The following ARID4B variants were observed in gnomAD, a reference collection of about 807,000 sequenced individuals.
ARID4B encodes the protein AT-rich interaction domain 4B, also known as AT-rich interactive domain-containing protein 4B.
A neutral mutation model predicts 147.5 loss-of-function variants in ARID4B; 26 were observed. That is an observed-to-expected ratio of 0.18 (90% CI 0.13 to 0.24). The LOEUF (loss-of-function observed/expected upper bound fraction) is 0.24, where lower values mean the gene tolerates loss of function less well. ARID4B is among the 10% of genes least tolerant of loss of function. The probability of loss-of-function intolerance (pLI) is 1.00; values close to 1 mark genes in which losing one functional copy is unlikely to be tolerated. For synonymous variants in ARID4B, 512 were observed against 507.9 expected, an observed-to-expected ratio of 1.01 and a Z score of -0.11; for missense variants, 1,179 against 1,511.5, an observed-to-expected ratio of 0.78 and a Z score of 3.65.
At chr1:235,187,076 T>TA (rs1664738425) in intron 19 of ARID4B, 2 of 380,152 alleles carry the variant, frequency 5.3e-6, no homozygotes, top group African/African-American at 4.7e-5. Flanking sequence ...TGCATCTTAT[T>TA]CTTTTTTTTT....
intron 17 of ARID4B, among the ~76,000 whole-genome samples, chr1:235,209,416 AGAT>A (rs1666546738): frequency 2.6e-5 from 4 of 152,178 alleles, no homozygotes; most frequent in Admixed American, 2.0e-4. Context: ...GGTGACAGTG[AGAT>A]GATATCACGG....
intron 7 of ARID4B, among the ~76,000 whole-genome samples, chr1:235,243,439 T>C (rs1394684016): frequency 6.6e-6 from 1 of 152,178 alleles, no homozygotes; most frequent in African/African-American, 2.4e-5. Flanking sequence ...TTGTTATTTC[T>C]TTGGTGGCAA....
intron 6 of ARID4B, among the ~76,000 whole-genome samples, chr1:235,252,319 G>T (rs752754693): frequency 2.0e-5 from 3 of 152,214 alleles, no homozygotes; most frequent in Non-Finnish European, 4.4e-5. Context: ...AGTCAGGCAA[G>T]AGGAAAGGGC....
intron 2 of ARID4B, among the ~76,000 whole-genome samples, chr1:235,302,911 GA>G (rs1169740083): frequency 6.6e-6 from 1 of 151,040 alleles, no homozygotes; most frequent in Non-Finnish European, 1.5e-5. Flanking sequence ...AATTCAGTTT[GA>G]GAGTTTATAT....
intron 16 of ARID4B, among the ~76,000 whole-genome samples, chr1:235,218,176 C>T (rs1025445450): frequency 2.0e-5 from 3 of 152,132 alleles, no homozygotes; most frequent in African/African-American, 7.2e-5. Context: ...GTCCCAACTG[C>T]AATGCTTCTA....
intron 17 of ARID4B, among the ~76,000 whole-genome samples, chr1:235,209,468 T>C (rs1571981510): frequency 6.6e-6 from 1 of 151,048 alleles, no homozygotes; most frequent in African/African-American, 2.4e-5. Context: ...CAAAACCTCA[T>C]CTCAAAAACA....
chr1:235,289,084 C>T (rs1672164620), intron 2 of ARID4B, among the ~76,000 whole-genome samples: 2 of 152,320 alleles, frequency 1.3e-5, no homozygotes, highest in African/African-American at 4.8e-5. Flanking sequence ...AATAGCTATA[C>T]TTGCACATGT....
chr1:235,275,413 C>A (rs1671258290), intron 2 of ARID4B, among the ~76,000 whole-genome samples: 1 of 152,108 alleles, frequency 6.6e-6, no homozygotes, highest in East Asian at 1.9e-4. Flanking sequence ...GTAGAGAAAA[C>A]CAGTCTGCTG....
chr1:235,213,422 C>A (rs1360415482), intron 17 of ARID4B, among the ~76,000 whole-genome samples: 4 of 152,102 alleles, frequency 2.6e-5, no homozygotes, highest in Non-Finnish European at 5.9e-5. Context: ...GTTACTGTGG[C>A]AATGTAGTTT....
chr1:235,261,513 G>A (rs1018452710), intron 2 of ARID4B, among the ~76,000 whole-genome samples: 1 of 152,120 alleles, frequency 6.6e-6, no homozygotes, highest in Non-Finnish European at 1.5e-5. Flanking sequence ...CACAGAGTAA[G>A]ACCCTGTCTC....
intron 2 of ARID4B, among the ~76,000 whole-genome samples, chr1:235,320,526 C>T (rs1674747572): frequency 6.6e-6 from 1 of 152,110 alleles, no homozygotes; most frequent in Non-Finnish European, 1.5e-5. Context: ...ATGATCTGTT[C>T]GAACCCATGA....
chr1:235,230,913 G>T (rs1375381568), intron 10 of ARID4B, among the ~76,000 whole-genome samples, 200 bp downstream of exon 10: 3 of 144,000 alleles, frequency 2.1e-5, no homozygotes, highest in East Asian at 3.9e-4. Flanking sequence ...GCAAGACTCT[G>T]TCTCCAAAAA....
intron 11 of ARID4B, among the ~76,000 whole-genome samples, chr1:235,226,260 C>A (rs1401407833): frequency 6.6e-6 from 1 of 152,156 alleles, no homozygotes; most frequent in East Asian, 1.9e-4. Flanking sequence ...AGTAAGACAG[C>A]ATTCCTAACT....
chr1:235,190,531 G>A (rs781057653), intron 19 of ARID4B, among the ~76,000 whole-genome samples: 11 of 151,174 alleles, frequency 7.3e-5, no homozygotes, highest in Non-Finnish European at 1.3e-4. Flanking sequence ...AAAGAATCAG[G>A]AATTGGAAGA....
intron 18 of ARID4B, 118 bp downstream of exon 18, chr1:235,195,913 A>T: frequency 1.5e-6 from 1 of 655,198 alleles, no homozygotes; most frequent in Non-Finnish European, 2.7e-6. Flanking sequence ...ATACAAATCT[A>T]GCATTTGAAA....
Position 235,224,795 on chromosome 1 carries a change from A to C in ARID4B, c.898-20T>G, listed in dbSNP as rs1303072337. The C allele has an allele frequency of 6.7e-7, 1 of 1,502,080 alleles. No homozygotes were observed. The highest frequency in any genetic ancestry group is 9.2e-7 in the Non-Finnish European group (1 of 1,091,134). 93.0% of individuals were successfully genotyped at this position (1,502,080 alleles called of 1,614,324 possible). A position where few individuals can be genotyped will look rare whatever the true frequency, so the allele number is the denominator to read the frequency against. ...TTCTTCCTAATTTTAATCACAGAAG[A>C]ATATTATTTTCTTCAATTAAGCATT... On this transcript the variant is annotated intron_variant, in intron 11 of 23. Coordinates refer to ENST00000264183, the MANE Select transcript of ARID4B (RefSeq NM_016374.6).
chr1:235,250,069 T>G (rs1389988444), intron 6 of ARID4B, among the ~76,000 whole-genome samples: 1 of 151,930 alleles, frequency 6.6e-6, no homozygotes, highest in Non-Finnish European at 1.5e-5. Flanking sequence ...ATCGCACCAC[T>G]GCACTCCAGC....
intron 2 of ARID4B, among the ~76,000 whole-genome samples, chr1:235,295,156 G>A (rs1672602781): frequency 6.6e-6 from 1 of 152,052 alleles, no homozygotes; most frequent in Admixed American, 6.5e-5. Context: ...AAGCTAATAT[G>A]TGTTATATGT....
intron 2 of ARID4B, among the ~76,000 whole-genome samples, chr1:235,321,422 T>C (rs1391716361): frequency 6.6e-6 from 1 of 152,168 alleles, no homozygotes; most frequent in African/African-American, 2.4e-5. Flanking sequence ...AATGACAGCA[T>C]GCTTCAAATG....
Sources: gnomAD v4.1 joint callset for allele counts (sites outside exome capture counted in the v4.1 genomes callset) on GRCh38, gnomAD v4.1.1 for gene constraint, MANE v1.5 for transcripts, NCBI Gene and HGNC (gene_info 2026-07-23, HGNC 2026-07-21) for gene names.